Variants in MYH16 observed in about 807,000 individuals in gnomAD.
MYH16 encodes the protein myosin heavy chain 16.
At chr7:99,299,633 T>C (rs1272536127) in exon 37 of MYH16, 2 of 153,296 alleles carry the variant, frequency 1.3e-5, no homozygotes, top group African/African-American at 4.8e-5. Flanking sequence ...GTAAAGACAT[T>C]GAAAAGGCTG....
intron 28 of MYH16, 170 bp from the exon 10 acceptor site, chr7:99,287,722 A>T: frequency 2.8e-6 from 1 of 356,634 alleles, no homozygotes; most frequent in South Asian, 2.1e-5. Context: ...ACCTCTAAAC[A>T]AATCCTGTGG....
At position 99,288,138 on chromosome 7, in the gene MYH16, G is replaced by T. The variant is rs1792310521; in HGVS notation, n.3706+1G>T. On this transcript the variant is annotated splice_donor_variant and non_coding_transcript_variant, in intron 29 of 41. Transcript: ENST00000439784. ...CATGGAGACGATACAGAAGTCCAAG[G>T]TGAATAACCTAACTGTGGGCCGGAC... 1 of 456,434 alleles carries T rather than the reference G, an allele frequency of 2.2e-6. No individual in the cohort carries two copies. Among genetic ancestry groups the T allele is most frequent in the Non-Finnish European group, 4.4e-6 (1 of 226,902 alleles). 28.3% of individuals were successfully genotyped at this position (456,434 alleles called of 1,614,324 possible). A position where few individuals can be genotyped will look rare whatever the true frequency, so the allele number is the denominator to read the frequency against.
At chr7:99,289,210 A>G (rs1014708041) in intron 29 of MYH16, 77 bp from the exon 11 acceptor site, 3 of 229,520 alleles carry the variant, frequency 1.3e-5, no homozygotes, top group Non-Finnish European at 2.8e-5. Flanking sequence ...GAACAGGGCA[A>G]AAATCAAAGG....
At chr7:99,286,484 G>A (rs1353369767) in exon 28 of MYH16, 1 of 152,594 alleles carries the variant, frequency 6.6e-6, no homozygotes, top group Non-Finnish European at 1.5e-5. Flanking sequence ...GAAGATCTCA[G>A]TGACAGGTTG....
intron 21 of MYH16, among the ~76,000 whole-genome samples, chr7:99,278,077 G>C (rs2150819132): frequency 6.6e-6 from 1 of 152,158 alleles, no homozygotes; most frequent in South Asian, 2.1e-4. Context: ...TCCCACCTCA[G>C]CCTCCCGAGT....
At chr7:99,309,566 C>T (rs1274867695), downstream of MYH16, among the ~76,000 whole-genome samples, 1 of 152,168 alleles carries the variant, frequency 6.6e-6, no homozygotes, top group African/African-American at 2.4e-5. Flanking sequence ...CAGGCAAAAA[C>T]CTGAAAGGGA....
rs147835220 is a variant in MYH16, at chr7:99,258,954, G to A, written n.1404+564G>A. 0.014 allele frequency among the ~76,000 whole-genome samples: 2,176 copies of A among 152,214 alleles called. 110 individuals carry two copies. The South Asian group carries it at 0.18, about 13-fold the overall frequency. On this transcript the variant is annotated intron_variant and non_coding_transcript_variant, in intron 11 of 41. Transcript: ENST00000439784. ...GCTGGGGAGGCCTCAGGAAACTTACGATCATGGTGAAAGGCAAAGGGGAAG... is the reference window on the plus strand; with the variant it reads ...GCTGGGGAGGCCTCAGGAAACTTACAATCATGGTGAAAGGCAAAGGGGAAG...
chr7:99,296,346 A>G (rs9969388), intron 33 of MYH16, among the ~76,000 whole-genome samples: 14,263 of 152,108 alleles, frequency 0.094, 1,672 homozygotes, highest in African/African-American at 0.27. Context: ...GTATATTACT[A>G]CATTACAGTG....
intron 32 of MYH16, 100 bp from the exon 14 acceptor site, chr7:99,293,918 G>GCC (rs1236800969): frequency 1.4e-5 from 5 of 359,974 alleles, no homozygotes; most frequent in African/African-American, 8.6e-5. Context: ...TGACACCAGA[G>GCC]CTTAGTACCA....
intron 23 of MYH16, among the ~76,000 whole-genome samples, chr7:99,282,949 G>A (rs1244729717): frequency 2.0e-5 from 3 of 152,186 alleles, no homozygotes; most frequent in Non-Finnish European, 2.9e-5. Flanking sequence ...AAGTGCCCGG[G>A]TGGGACATCA....
chr7:99,259,429 C>T (rs1175300666), intron 11 of MYH16, among the ~76,000 whole-genome samples: 2 of 152,074 alleles, frequency 1.3e-5, no homozygotes, highest in Non-Finnish European at 2.9e-5. Flanking sequence ...GCCTGGGCAA[C>T]AGGGTGAGAC....
chr7:99,292,301 G>A lies in MYH16; in HGVS notation n.3953-11G>A. 2 of 454,754 alleles carry A rather than the reference G, an allele frequency of 4.4e-6. No homozygotes were observed. Among genetic ancestry groups the A allele is most frequent in the South Asian group, 1.6e-5 (1 of 64,508 alleles). 28.2% of individuals were successfully genotyped at this position (454,754 alleles called of 1,614,324 possible). A position where few individuals can be genotyped will look rare whatever the true frequency, so the allele number is the denominator to read the frequency against. Reference sequence around the variant, plus strand: ...AGCCCCCACGGGCGCCTGACAGGCTGGTCCCCACAGTCTCGCAGCACCGCC... The same window carrying A: ...AGCCCCCACGGGCGCCTGACAGGCTAGTCCCCACAGTCTCGCAGCACCGCC... On this transcript the variant is annotated splice_polypyrimidine_tract_variant and intron_variant and non_coding_transcript_variant, in intron 31 of 41. Coordinates refer to ENST00000439784, the Ensembl canonical transcript of MYH16.
chr7:99,241,366 T>A (rs1422528385), intron 1 of MYH16, among the ~76,000 whole-genome samples: 1 of 152,170 alleles, frequency 6.6e-6, no homozygotes, highest in Non-Finnish European at 1.5e-5. Flanking sequence ...GTGGATCACC[T>A]GAGGTCAGGA....
At chr7:99,284,993 T>C in intron 26 of MYH16, 58 bp downstream of exon 8, 1 of 454,114 alleles carries the variant, frequency 2.2e-6, no homozygotes, top group Non-Finnish European at 4.4e-6. Flanking sequence ...CTCTGAACGT[T>C]TTGTTCATGT....
exon 17 of MYH16, chr7:99,265,584 C>T (rs61748873): frequency 2.6e-5 from 4 of 153,698 alleles, no homozygotes; most frequent in Non-Finnish European, 5.9e-5. Context: ...GATAGACGCC[C>T]ACCTGATCAT....
rs183525757 is a variant in MYH16, at chr7:99,259,813, T to C, written n.1405-351T>C. Among the ~76,000 whole-genome samples the C allele has an allele frequency of 1.1e-4, 16 of 142,030 alleles. No individual in the cohort carries two copies. In the East Asian group the frequency reaches 3.0e-3, roughly 27 times the overall value. The allele number at this position is 142,030 out of a possible 152,430, so 93.2% of individuals were successfully genotyped here. On this transcript the variant is annotated intron_variant and non_coding_transcript_variant, in intron 11 of 41. Transcript: ENST00000439784. The stretch of plus-strand genomic sequence containing the variant: ...TGTATGTATATATTATATATATGTA[T>C]GTATGTGTATATATTATATATATAT...
At chr7:99,250,589 A>C (rs1791798098) in intron 5 of MYH16, among the ~76,000 whole-genome samples, 1 of 152,174 alleles carries the variant, frequency 6.6e-6, no homozygotes, top group Non-Finnish European at 1.5e-5. Flanking sequence ...AAAAACTTTA[A>C]AAATTAGCTG....
intron 37 of MYH16, among the ~76,000 whole-genome samples, chr7:99,299,926 A>C (rs1286128197): frequency 3.2e-5 from 4 of 124,968 alleles, no homozygotes; most frequent in Non-Finnish European, 6.8e-5. Context: ...TTTTTATTTT[A>C]TTTTATTTAT....
chr7:99,245,706 T>G (rs1791721190), intron 2 of MYH16, among the ~76,000 whole-genome samples: 1 of 152,128 alleles, frequency 6.6e-6, no homozygotes, highest in East Asian at 1.9e-4. Context: ...TTTTGTATTT[T>G]TAGTAGAGAC....
Sources: gnomAD v4.1 joint callset for allele counts (sites outside exome capture counted in the v4.1 genomes callset) on GRCh38, gnomAD v4.1.1 for gene constraint, MANE v1.5 for transcripts, NCBI Gene and HGNC (gene_info 2026-07-23, HGNC 2026-07-21) for gene names.